IMMP2L: variants seen among roughly 807,000 people sequenced by gnomAD.
IMMP2L encodes mitochondrial inner membrane protease subunit 2.
A neutral mutation model predicts 19.3 loss-of-function variants in IMMP2L; 18 were observed. The ratio of observed to expected loss-of-function variants is 0.93; its 90% CI spans 0.64 to 1.38. IMMP2L has a LOEUF of 1.38. Ranked by LOEUF, IMMP2L falls within the 40% of genes most tolerant of loss-of-function variation. The probability of loss-of-function intolerance (pLI) is 0.00; values close to 1 mark genes in which losing one functional copy is unlikely to be tolerated. For missense variants in IMMP2L, 233 were observed against 218.2 expected (o/e 1.07, Z -0.43); for synonymous variants, 76 against 73.0 (o/e 1.04, Z -0.21).
chr7:110,718,011 A>T (rs1795333854), intron 5 of IMMP2L, among the ~76,000 whole-genome samples: 1 of 152,222 alleles, frequency 6.6e-6, no homozygotes, highest in Non-Finnish European at 1.5e-5. Context: ...ATGACTGATA[A>T]GGTATGGTCC....
intron 3 of IMMP2L, among the ~76,000 whole-genome samples, chr7:111,068,115 G>C (rs940845930): frequency 6.6e-6 from 1 of 151,904 alleles, no homozygotes; most frequent in Non-Finnish European, 1.5e-5. Flanking sequence ...GTAAAGAAGA[G>C]TATATGTATA....
At chr7:110,893,225 G>T (rs988434506) in intron 4 of IMMP2L, among the ~76,000 whole-genome samples, 1 of 152,072 alleles carries the variant, frequency 6.6e-6, no homozygotes, top group African/African-American at 2.4e-5. Context: ...AATGCTGACA[G>T]ACACACAAAA....
intron 5 of IMMP2L, among the ~76,000 whole-genome samples, chr7:110,782,156 T>C (rs572752626): frequency 6.6e-6 from 1 of 151,966 alleles, no homozygotes; most frequent in Admixed American, 6.6e-5. Context: ...TCCCCAGCAT[T>C]TAAATCCAGA....
At chr7:111,448,087 A>AT (rs1838706683) in intron 3 of IMMP2L, among the ~76,000 whole-genome samples, 1 of 143,512 alleles carries the variant, frequency 7.0e-6, no homozygotes, top group Non-Finnish European at 1.5e-5. Context: ...AAAGAGACTT[A>AT]GACTCCCACA....
chr7:111,383,070 TG>T (rs774792822), intron 3 of IMMP2L, among the ~76,000 whole-genome samples: 2 of 152,042 alleles, frequency 1.3e-5, no homozygotes, highest in Non-Finnish European at 2.9e-5. Flanking sequence ...CCATTAGTCA[TG>T]GAGGAAGAAA....
chr7:110,831,143 T>C (rs1195462414), intron 5 of IMMP2L, among the ~76,000 whole-genome samples: 2 of 152,146 alleles, frequency 1.3e-5, no homozygotes, highest in African/African-American at 4.8e-5. Flanking sequence ...TCTCAGTTTC[T>C]AGAGGCCACT....
intron 1 of IMMP2L, among the ~76,000 whole-genome samples, chr7:111,523,696 TA>T (rs937836210): frequency 3.3e-5 from 5 of 152,160 alleles, no homozygotes; most frequent in African/African-American, 1.2e-4. Flanking sequence ...ATAAGCAATT[TA>T]AAAACATGTT....
intron 1 of IMMP2L, among the ~76,000 whole-genome samples, chr7:111,538,925 G>T (rs1291512868): frequency 6.6e-6 from 1 of 150,466 alleles, no homozygotes; most frequent in Non-Finnish European, 1.5e-5. Flanking sequence ...TTCAAGACCA[G>T]CCTGGCCAAC....
intron 3 of IMMP2L, among the ~76,000 whole-genome samples, chr7:111,293,295 G>A (rs992340389): frequency 5.9e-5 from 9 of 151,908 alleles, no homozygotes; most frequent in African/African-American, 1.9e-4. Flanking sequence ...TTCACTTTTT[G>A]TGAGAGCAAT....
chr7:111,058,838 A>G lies in IMMP2L; in HGVS notation c.240-95273T>C, dbSNP rs184101120. Among the ~76,000 whole-genome samples the G allele has an allele frequency of 2.1e-3, 327 of 152,316 alleles. 2 individuals are homozygous for G. The highest frequency in any genetic ancestry group is 3.6e-3 in the Non-Finnish European group (248 of 68,034). The stretch of plus-strand genomic sequence containing the variant: ...ACTAATGCTTTTGAAAAACAAAACC[A>G]TTGAAAATGGAGCTGAAAACTAAAA... On this transcript the variant is annotated intron_variant, in intron 3 of 5. Transcript: ENST00000405709.
intron 3 of IMMP2L, among the ~76,000 whole-genome samples, chr7:111,395,794 A>G (rs1337426223): frequency 2.0e-5 from 3 of 152,260 alleles, no homozygotes; most frequent in African/African-American, 7.2e-5. Context: ...GCATTAGTAA[A>G]CAAATTTACT....
chr7:111,500,881 A>G (rs964294299), intron 2 of IMMP2L, among the ~76,000 whole-genome samples: 2 of 152,178 alleles, frequency 1.3e-5, no homozygotes, highest in Admixed American at 6.5e-5. Flanking sequence ...GGAAAAACAG[A>G]GCAGAAAAAC....
intron 3 of IMMP2L, among the ~76,000 whole-genome samples, chr7:111,322,048 TTAAAG>T (rs148279551): frequency 0.042 from 6,413 of 151,986 alleles, 200 homozygotes; most frequent in South Asian, 0.079. Context: ...TTCACAGTAC[TTAAAG>T]TACTTTCATT....
chr7:111,312,900 A>T (rs1823668081), intron 3 of IMMP2L, among the ~76,000 whole-genome samples: 2 of 152,178 alleles, frequency 1.3e-5, no homozygotes, highest in African/African-American at 4.8e-5. Flanking sequence ...AGGAAATTTA[A>T]TACCAGAAAC....
At chr7:110,817,463 G>C (rs1435524177) in intron 5 of IMMP2L, among the ~76,000 whole-genome samples, 1 of 152,012 alleles carries the variant, frequency 6.6e-6, no homozygotes, top group Non-Finnish European at 1.5e-5. Flanking sequence ...AAATAAAAGA[G>C]GATACAAACA....
At chr7:110,851,536 C>T (rs1412531181) in intron 5 of IMMP2L, among the ~76,000 whole-genome samples, 1 of 152,110 alleles carries the variant, frequency 6.6e-6, no homozygotes, top group East Asian at 1.9e-4. Flanking sequence ...ATGCTTGATA[C>T]TGAGCAGTGG....
At chr7:111,064,815 C>T (rs1172671352) in intron 3 of IMMP2L, among the ~76,000 whole-genome samples, 1 of 152,200 alleles carries the variant, frequency 6.6e-6, no homozygotes, top group Non-Finnish European at 1.5e-5. Context: ...AAGATGAAAG[C>T]AGTCTACTAC....
chr7:111,267,726 T>C (rs76330532), intron 3 of IMMP2L, among the ~76,000 whole-genome samples: 1,830 of 152,288 alleles, frequency 0.012, 40 homozygotes, highest in African/African-American at 0.041. Context: ...TAACTTTTTT[T>C]CTATATACTA....
At chr7:111,259,765 T>A (rs1034266528) in intron 3 of IMMP2L, among the ~76,000 whole-genome samples, 1 of 152,164 alleles carries the variant, frequency 6.6e-6, no homozygotes, top group African/African-American at 2.4e-5. Context: ...AAGCACATTA[T>A]ATAGCTGCAG....
Sources: gnomAD v4.1 joint callset for allele counts (sites outside exome capture counted in the v4.1 genomes callset) on GRCh38, gnomAD v4.1.1 for gene constraint, MANE v1.5 for transcripts, NCBI Gene and HGNC (gene_info 2026-07-23, HGNC 2026-07-21) for gene names.